The following MCM2 variants were observed in gnomAD, a reference collection of about 807,000 sequenced individuals.
MCM2 encodes DNA replication licensing factor MCM2.
In MCM2, 49 loss-of-function variants were observed where a neutral mutation model predicts 86.4. The observed-to-expected ratio is 0.57, with a 90% CI of 0.45 to 0.72. MCM2 has a LOEUF of 0.72. Among genes scored for constraint, MCM2 ranks in the 30% least tolerant of loss-of-function variants. MCM2 has a pLI of 0.00. For missense variants in MCM2, 1,038 were observed against 1,259.9 expected (o/e 0.82, Z 2.67); for synonymous variants, 475 against 484.6 (o/e 0.98, Z 0.26).
At chr3:127,619,976 C>A in intron 13 of MCM2, among the ~76,000 whole-genome samples, 1 of 152,004 alleles carries the variant, frequency 6.6e-6, no homozygotes, top group Admixed American at 6.5e-5. Flanking sequence ...ACAGTGAAAC[C>A]CTGTTTCAAA....
Position 127,606,570 on chromosome 3 carries a change from C to T in MCM2, c.894-40C>T. 6.3e-7 allele frequency: 1 copy of T among 1,576,628 alleles called. No individual in the cohort carries two copies. The highest frequency in any genetic ancestry group is 1.3e-5 in the African/African-American group (1 of 74,286). ...CACTCTCGTCTGCAGCCTGGCCTCA[C>T]CCTGGCTCACGGCTTCTGATGCACC... On this transcript the variant is annotated intron_variant, in intron 5 of 15. Transcript: ENST00000265056. This position sits in a 1 kb window ranked among gnomAD's most constrained non-coding sequence, Gnocchi z 4.2.
In MCM2 at chr3:127,621,167, G is replaced by A. The variant is rs137990158; in HGVS notation, c.2543G>A (p.Arg848His). 1.5e-5 allele frequency: 24 copies of A among 1,614,228 alleles called. No individual in the cohort carries two copies. Among genetic ancestry groups the A allele is most frequent in the South Asian group, 3.3e-5 (3 of 91,088 alleles). ...GTGGCAGAGCAGGTGACATATCAGC[G>A]CAACCGCTTTGGGGCCCAGCAGGAC... is the stretch of plus-strand genomic sequence containing the variant. ...QLVAEQVTYQ[R>H]NRFGAQQDTI... Residue 848 changes from arginine to histidine, a missense_variant, in exon 15 of 16, where the codon CGC (arginine) becomes CAC (histidine). Arg to His is a conservative substitution (Grantham distance 29). Around this residue, in one of 4 missense-constraint regions of MCM2, gnomAD observed 336 missense variants for 425.7 expected, o/e 0.79. Transcript: ENST00000265056.
At chr3:127,620,008 A>G (rs2074464716) in intron 13 of MCM2, among the ~76,000 whole-genome samples, 1 of 152,220 alleles carries the variant, frequency 6.6e-6, no homozygotes, top group African/African-American at 2.4e-5. Flanking sequence ...TTTTTAAATG[A>G]TAGGTATTAA....
At chr3:127,614,868 CT>C (rs2074422068) in intron 8 of MCM2, among the ~76,000 whole-genome samples, 1 of 152,168 alleles carries the variant, frequency 6.6e-6, no homozygotes, top group South Asian at 2.1e-4. Context: ...TGATTTTTTG[CT>C]TTCTGGTAGA....
chr3:127,606,552 G>C lies in MCM2; in HGVS notation c.894-58G>C, dbSNP rs1258447293. 2 of 1,509,328 alleles carry C rather than the reference G, an allele frequency of 1.3e-6. No homozygotes were observed. Among genetic ancestry groups the C allele is most frequent in the African/African-American group, 1.4e-5 (1 of 72,972 alleles). 93.5% of individuals were successfully genotyped at this position (1,509,328 alleles called of 1,614,324 possible). ...CAGGACAGTGTGTTGGGACACTCTC[G>C]TCTGCAGCCTGGCCTCACCCTGGCT... On this transcript the variant is annotated intron_variant, in intron 5 of 15. Coordinates refer to ENST00000265056, the MANE Select transcript of MCM2 (RefSeq NM_004526.4). The surrounding 1 kb of genome is among the most constrained non-coding windows in gnomAD (Gnocchi z 4.2).
intron 8 of MCM2, among the ~76,000 whole-genome samples, chr3:127,613,090 G>A (rs1328406325): frequency 1.3e-5 from 2 of 152,300 alleles, no homozygotes. Flanking sequence ...ACACATTTGC[G>A]CTGCTTGCCC....
chr3:127,608,050 CAG>C (rs1345059780), intron 6 of MCM2, among the ~76,000 whole-genome samples: 1 of 152,194 alleles, frequency 6.6e-6, no homozygotes, highest in East Asian at 1.9e-4. Context: ...AGAGAAGGCA[CAG>C]AGAGAGGAAG....
rs572919483 is a variant in MCM2 at position 127,604,747 on chromosome 3, C to T, written c.376C>T (p.Arg126Trp). The T allele has an allele frequency of 1.7e-5, 27 of 1,606,774 alleles. No individual in the cohort carries two copies. Among genetic ancestry groups the T allele is most frequent in the Non-Finnish European group, 2.2e-5 (26 of 1,177,546 alleles). Reference sequence around the variant, plus strand: ...GCGGCAGCGTGACCGGGAGGCTGGCCGGGGCCTGGGCCGCATGCGCCGTGG... The same window carrying T: ...GCGGCAGCGTGACCGGGAGGCTGGCTGGGGCCTGGGCCGCATGCGCCGTGG... ...AMRQRDREAGRGLGRMRRGLL... is the reference protein window; with the variant it reads ...AMRQRDREAGWGLGRMRRGLL... Residue 126 changes from arginine to tryptophan, a missense_variant, in exon 3 of 16, where the codon CGG becomes TGG. Physicochemically the swap from Arg to Trp is moderately radical, Grantham distance 101. Transcript: ENST00000265056.
chr3:127,600,357 A>G (rs2074298724), intron 2 of MCM2, among the ~76,000 whole-genome samples: 1 of 152,262 alleles, frequency 6.6e-6, no homozygotes, highest in African/African-American at 2.4e-5. Flanking sequence ...AAGCAAGGCT[A>G]GATTTCTACC....
chr3:127,612,434 CAT>C (rs1185304663), intron 8 of MCM2, among the ~76,000 whole-genome samples: 2 of 152,188 alleles, frequency 1.3e-5, no homozygotes, highest in Admixed American at 6.5e-5. Context: ...AGTAAACACT[CAT>C]AGAGTTGTTA....
chr3:127,619,950 C>T (rs2074464124), intron 13 of MCM2, among the ~76,000 whole-genome samples: 1 of 152,254 alleles, frequency 6.6e-6, no homozygotes. Flanking sequence ...CACCACTGCA[C>T]TCTAGCCTTG....
In MCM2 at chr3:127,617,678, A is replaced by T. The variant is rs890660387; in HGVS notation, c.1900+273A>T. On this transcript the variant is annotated intron_variant, in intron 11 of 15. Coordinates refer to ENST00000265056, the MANE Select transcript of MCM2 (RefSeq NM_004526.4). The surrounding 1 kb of genome is among the most constrained non-coding windows in gnomAD (Gnocchi z 4.1). The stretch of plus-strand genomic sequence containing the variant: ...CCCAGTGCCCCTCTGGCCAGGATGG[A>T]GTTGGCTGTTGGTCTCAGCAGCGAA... The T allele has an allele frequency of 2.0e-5, 12 of 593,034 alleles. No homozygotes were observed. The African/African-American group carries it at 2.0e-4, about 10-fold the overall frequency. 36.7% of individuals were successfully genotyped at this position (593,034 alleles called of 1,614,324 possible).
At chr3:127,605,301 C>A in intron 4 of MCM2, 145 bp downstream of exon 4, 1 of 1,042,260 alleles carries the variant, frequency 9.6e-7, no homozygotes, top group Non-Finnish European at 1.4e-6. Flanking sequence ...TTGAGTTTTG[C>A]ATCAGGGCTC....
chr3:127,610,142 C>A (rs949999031), intron 8 of MCM2, among the ~76,000 whole-genome samples: 1 of 152,130 alleles, frequency 6.6e-6, no homozygotes, highest in Admixed American at 6.5e-5. Context: ...CCACGCCCGG[C>A]CTTCAAGTCA....
At chr3:127,598,536 C>T in intron 1 of MCM2, 64 bp downstream of exon 1, 1 of 1,587,464 alleles carries the variant, frequency 6.3e-7, no homozygotes, top group Non-Finnish European at 8.6e-7. Context: ...GCGCGCTTCC[C>T]GTACTCTGGC....
rs17538474 is a variant in MCM2, at chr3:127,605,172, G to T, written c.673+16G>T. On this transcript the variant is annotated intron_variant, in intron 4 of 15. Transcript: ENST00000265056. ...ATGTGCAAAGGTGTGGCTTCCCTACGCCCCCGCCTCAGCCCCTGTAGCGCC... is the reference window on the plus strand; with the variant it reads ...ATGTGCAAAGGTGTGGCTTCCCTACTCCCCCGCCTCAGCCCCTGTAGCGCC... 6.2e-7 allele frequency: 1 copy of T among 1,607,844 alleles called. No individual in the cohort carries two copies. Among genetic ancestry groups the T allele is most frequent in the Non-Finnish European group, 8.5e-7 (1 of 1,175,270 alleles).
Position 127,599,541 on chromosome 3 carries a change from T to C in MCM2, c.230T>C (p.Met77Thr). The C allele has an allele frequency of 6.2e-7, 1 of 1,612,358 alleles. No individual in the cohort carries two copies. Among genetic ancestry groups the C allele is most frequent in the Non-Finnish European group, 8.5e-7 (1 of 1,179,024 alleles). The change falls in exon 2 of 16, where the codon ATG (methionine) becomes ACG (threonine). Residue 77 changes from methionine to threonine, a missense_variant. Met to Thr is a moderately conservative substitution (Grantham distance 81). This residue lies in a region of MCM2 where 300 missense variants were observed against 307.4 expected (regional missense o/e 0.98). Transcript: ENST00000265056. ...EDGEELIGDG[M>T]ERDYRAIPEL... ...GGAGAGGAGCTCATTGGAGATGGCA[T>C]GGAAAGGTAATTTCATTCAAGGCCC...
chr3:127,612,351 T>C (rs1227262292), intron 8 of MCM2, among the ~76,000 whole-genome samples: 1 of 152,264 alleles, frequency 6.6e-6, no homozygotes, highest in Non-Finnish European at 1.5e-5. Context: ...CCAGACTTTT[T>C]AGGTTTGAAT....
At chr3:127,612,795 A>G (rs944393895) in intron 8 of MCM2, among the ~76,000 whole-genome samples, 1 of 152,200 alleles carries the variant, frequency 6.6e-6, no homozygotes, top group Admixed American at 6.5e-5. Flanking sequence ...CAGCACACCT[A>G]GAGCCAGGAG....
Sources: gnomAD v4.1 joint callset for allele counts (sites outside exome capture counted in the v4.1 genomes callset) on GRCh38, gnomAD v4.1.1 for gene constraint, gnomAD v4.1.1 regional missense constraint, Gnocchi (gnomAD v3.1) non-coding constraint, MANE v1.5 for transcripts, NCBI Gene and HGNC (gene_info 2026-07-23, HGNC 2026-07-21) for gene names.